The following CD8A variants were observed in gnomAD, a reference collection of about 807,000 sequenced individuals.
CD8A encodes the protein T-cell surface glycoprotein CD8 alpha chain.
In CD8A, 25 loss-of-function variants were observed where a neutral mutation model predicts 24.2. That is an observed-to-expected ratio of 1.03 (90% confidence interval 0.75 to 1.44). The LOEUF (loss-of-function observed/expected upper bound fraction) is 1.44. Among genes scored for constraint, CD8A ranks in the 40% most tolerant of loss-of-function variants. The probability of loss-of-function intolerance (pLI) is 0.00; values close to 1 mark genes in which losing one functional copy is unlikely to be tolerated. For synonymous variants in CD8A, 165 were observed against 149.9 expected (o/e 1.10, Z -0.74); for missense variants, 360 against 319.7 (o/e 1.13, Z -0.96).
Position 86,785,785 on chromosome 2 carries a change from AC to A in CD8A, c.*134del, listed in dbSNP as rs760736893. ...ACATAAAGAAAAAGTAATCTTTCCC[AC>A]CCCGCCCCCACTAAAATAATAATCA... On this transcript the variant is annotated 3_prime_UTR_variant, in exon 6 of 6. Coordinates refer to ENST00000283635, the MANE Select transcript of CD8A (RefSeq NM_001768.7). 1.2e-6 allele frequency: 1 copy of A among 806,174 alleles called. No individual in the cohort carries two copies. 49.9% of individuals were successfully genotyped at this position (806,174 alleles called of 1,614,324 possible).
At chr2:86,786,962 G>A (rs1251392904) in intron 5 of CD8A, among the ~76,000 whole-genome samples, 4 of 125,828 alleles carry the variant, frequency 3.2e-5, no homozygotes, top group Admixed American at 9.2e-5. Flanking sequence ...GGAGCTTGCA[G>A]TGAGCCGAGA....
At chr2:86,797,954 C>T (rs925129002) in intron 3 of CD8A, among the ~76,000 whole-genome samples, 3 of 152,020 alleles carry the variant, frequency 2.0e-5, no homozygotes, top group South Asian at 4.2e-4. Flanking sequence ...AGAAGGATGC[C>T]GAATGTCCAA....
In CD8A at chr2:86,789,766, A is replaced by G; in HGVS notation, c.404-16T>C. On this transcript the variant is annotated splice_polypyrimidine_tract_variant and intron_variant, in intron 2 of 5. Transcript: ENST00000283635. ...GTGGGCTTCGCTGCAAGAGCAACAG[A>G]GCGTGGTTGGGGGCCAGGCTGGGGT... is the stretch of plus-strand genomic sequence containing the variant. The G allele has an allele frequency of 7.5e-7, 1 of 1,336,430 alleles. No homozygotes were observed. The allele number at this position is 1,336,430 out of a possible 1,614,324, so 82.8% of individuals were successfully genotyped here.
rs1385768766 is a variant in CD8A, at chr2:86,784,800, C to T, written c.*1120G>A. 2 of 453,942 alleles carry T rather than the reference C, an allele frequency of 4.4e-6. No homozygotes were observed. The highest frequency in any genetic ancestry group is 8.8e-6 in the Non-Finnish European group (2 of 226,786). The allele number at this position is 453,942 out of a possible 1,614,324, so 28.1% of individuals were successfully genotyped here. ...GAAGAATTATGAGTGGTTCTTATTT[C>T]CTTATCTACTTAAGTTTTTTCTCTC... On this transcript the variant is annotated 3_prime_UTR_variant, in exon 6 of 6. Coordinates refer to ENST00000283635, the MANE Select transcript of CD8A (RefSeq NM_001768.7).
Position 86,784,702 on chromosome 2 carries a change from A to G in CD8A, c.*1218T>C, listed in dbSNP as rs531277193. 1 of 451,684 alleles carries G rather than the reference A, an allele frequency of 2.2e-6. No individual in the cohort carries two copies. Among genetic ancestry groups the G allele is most frequent in the East Asian group, 7.0e-5 (1 of 14,382 alleles). The allele number at this position is 451,684 out of a possible 1,614,324, so 28.0% of individuals were successfully genotyped here. A position where few individuals can be genotyped will look rare whatever the true frequency, so the allele number is the denominator to read the frequency against. ...ACAACCCTATTTAAAAAAGAAAGACATATTTTACATGTATGTGTAGAAAAT... is the reference window on the plus strand; with the variant it reads ...ACAACCCTATTTAAAAAAGAAAGACGTATTTTACATGTATGTGTAGAAAAT... On this transcript the variant is annotated 3_prime_UTR_variant, in exon 6 of 6. Transcript: ENST00000283635.
At chr2:86,799,644 G>A (rs1254476437) in intron 3 of CD8A, among the ~76,000 whole-genome samples, 2 of 152,172 alleles carry the variant, frequency 1.3e-5, no homozygotes, top group East Asian at 1.9e-4. Context: ...TAGTCCCAGC[G>A]ACTCGGGAGG....
In CD8A at chr2:86,796,313, G is replaced by C. The variant is rs79036974; in HGVS notation, c.-271+5198C>G. The stretch of plus-strand genomic sequence containing the variant: ...AGAAATATGGGAAGAAAGCATGGCT[G>C]AAAATTTTTCACAATTAAAGACAAA... On this transcript the variant is annotated intron_variant, in intron 3 of 8. Coordinates refer to the CD8A transcript ENST00000409511. Among the ~76,000 whole-genome samples, 851 of 152,272 alleles carry C rather than the reference G, an allele frequency of 5.6e-3. 10 individuals carry two copies. Among genetic ancestry groups the C allele is most frequent in the African/African-American group, 0.019 (801 of 41,552 alleles).
chr2:86,805,121 G>A (rs1366399160), intron 2 of CD8A, among the ~76,000 whole-genome samples: 1 of 151,738 alleles, frequency 6.6e-6, no homozygotes, highest in Admixed American at 6.6e-5. Context: ...TTTTTTTAAT[G>A]AGTGAAGGAG....
At chr2:86,807,171 A>T (rs2367375) in intron 2 of CD8A, among the ~76,000 whole-genome samples, 23,940 of 151,232 alleles carry the variant, frequency 0.16, 2,062 homozygotes, top group Admixed American at 0.2. Context: ...TAAAATAAAA[A>T]AAAAAGCCAG....
At chr2:86,802,276 A>G (rs1432591254) in intron 2 of CD8A, among the ~76,000 whole-genome samples, 3 of 152,066 alleles carry the variant, frequency 2.0e-5, no homozygotes, top group Non-Finnish European at 4.4e-5. Context: ...GAACTCTAGT[A>G]ATCTGCCTGC....
At position 86,784,871 on chromosome 2, in the gene CD8A, A is replaced by G. The variant is rs1252696139; in HGVS notation, c.*1049T>C. ...TACCATACCTTAAGCAAGGAAGTGC[A>G]TGTTTGGGACAGCAGTTTGGGCTCT... On this transcript the variant is annotated 3_prime_UTR_variant, in exon 6 of 6. Transcript: ENST00000283635. 2.2e-6 allele frequency: 1 copy of G among 454,106 alleles called. No individual in the cohort carries two copies. Among genetic ancestry groups the G allele is most frequent in the East Asian group, 6.9e-5 (1 of 14,396 alleles). 28.1% of individuals were successfully genotyped at this position (454,106 alleles called of 1,614,324 possible). A position where few individuals can be genotyped will look rare whatever the true frequency, so the allele number is the denominator to read the frequency against.
At chr2:86,797,843 C>A in intron 3 of CD8A, among the ~76,000 whole-genome samples, 1 of 152,172 alleles carries the variant, frequency 6.6e-6, no homozygotes, top group East Asian at 1.9e-4. Flanking sequence ...CACCCGCCTT[C>A]TCATGAAAAG....
Position 86,790,852 on chromosome 2 carries a change from C to G in CD8A, c.-27G>C. The G allele has an allele frequency of 6.5e-7, 1 of 1,537,446 alleles. No individual in the cohort carries two copies. The highest frequency in any genetic ancestry group is 8.7e-7 in the Non-Finnish European group (1 of 1,146,298). ...ACGCGCTCCCCAGGACGCTGCTTGG[C>G]TCGAAGCTCGGGCGCGAGGGGAGGC... On this transcript the variant is annotated 5_prime_UTR_variant, in exon 1 of 6. Transcript: ENST00000283635.
At chr2:86,789,541 G>A in intron 3 of CD8A, 99 bp downstream of exon 3, 1 of 1,334,998 alleles carries the variant, frequency 7.5e-7, no homozygotes, top group Non-Finnish European at 1.1e-6. Context: ...CCCACCACTT[G>A]GACAGCCCTT....
upstream of CD8A, among the ~76,000 whole-genome samples, chr2:86,792,793 G>A (rs1289808987): frequency 6.6e-6 from 1 of 151,386 alleles, no homozygotes; most frequent in Non-Finnish European, 1.5e-5. Context: ...ACCATATCAG[G>A]GCCTGGATGG....
rs574505797 is a variant in CD8A, at chr2:86,804,380, A to G, written c.-417-2723T>C. ...ATTTGAGGTATTTAAAGTAGTCAAAATAATAGAGACAGAAAGTAGAATGGT... is the reference window on the plus strand; with the variant it reads ...ATTTGAGGTATTTAAAGTAGTCAAAGTAATAGAGACAGAAAGTAGAATGGT... On this transcript the variant is annotated intron_variant, in intron 2 of 8. Transcript: ENST00000409511. 1.4e-4 allele frequency among the ~76,000 whole-genome samples: 22 copies of G among 152,308 alleles called. No individual in the cohort carries two copies. In the East Asian group the frequency reaches 3.9e-3, roughly 27 times the overall value.
chr2:86,804,154 T>A (rs534128532), intron 2 of CD8A, among the ~76,000 whole-genome samples: 1 of 152,342 alleles, frequency 6.6e-6, no homozygotes, highest in African/African-American at 2.4e-5. Flanking sequence ...GTGTGTCTTA[T>A]ACCATGATGT....
intron 2 of CD8A, among the ~76,000 whole-genome samples, chr2:86,804,741 C>T: frequency 6.6e-6 from 1 of 151,840 alleles, no homozygotes. Context: ...CTGCCTCAGC[C>T]TCCCAAAGTG....
chr2:86,805,810 T>C (rs2104467215), intron 2 of CD8A, among the ~76,000 whole-genome samples: 1 of 152,318 alleles, frequency 6.6e-6, no homozygotes, highest in African/African-American at 2.4e-5. Context: ...CTTCTTTTTG[T>C]TCAGAGCCCT....
Sources: allele counts gnomAD v4.1 joint callset (sites outside exome capture counted in the v4.1 genomes callset), GRCh38; gene constraint gnomAD v4.1.1; transcripts MANE v1.5; gene names NCBI Gene and HGNC (gene_info 2026-07-23, HGNC 2026-07-21).